The following ARFGAP1 variants were observed in gnomAD, a reference collection of about 807,000 sequenced individuals.
ARFGAP1 encodes ADP-ribosylation factor GTPase-activating protein 1.
In ARFGAP1, 26 loss-of-function variants were observed where a neutral mutation model predicts 54.0. The ratio of observed to expected loss-of-function variants is 0.48; its 90% CI spans 0.35 to 0.67. ARFGAP1 has a LOEUF of 0.67. ARFGAP1 is among the 30% of genes least tolerant of loss of function. The probability of loss-of-function intolerance (pLI) is 0.00; values close to 1 mark genes in which losing one functional copy is unlikely to be tolerated. For missense variants in ARFGAP1, 525 were observed against 535.8 expected (o/e 0.98, Z 0.20); for synonymous variants, 248 against 211.9 (o/e 1.17, Z -1.48).
chr20:63,280,352 A>G (rs2067348081), intron 7 of ARFGAP1, among the ~76,000 whole-genome samples: 1 of 151,978 alleles, frequency 6.6e-6, no homozygotes, highest in South Asian at 2.1e-4. Flanking sequence ...ATCATAGCTC[A>G]CTGTGGCCTG....
rs1405609425 is a variant in ARFGAP1 at position 63,288,041 on chromosome 20, T to TG, written c.*172dup. Reference sequence around the variant, plus strand: ...GACCCGGGTGTGCGCCGCCTGCGCGTGGGGAGTCTTCGGTGCGTGGGGGCG... The same window carrying TG: ...GACCCGGGTGTGCGCCGCCTGCGCGTGGGGGAGTCTTCGGTGCGTGGGGGCG... On this transcript the variant is annotated 3_prime_UTR_variant, in exon 13 of 13. Coordinates refer to ENST00000370283, the MANE Select transcript of ARFGAP1 (RefSeq NM_018209.4). 3 of 821,648 alleles carry TG rather than the reference T, an allele frequency of 3.7e-6. No homozygotes were observed. The highest frequency in any genetic ancestry group is 5.6e-6 in the Non-Finnish European group (3 of 538,912). The allele number at this position is 821,648 out of a possible 1,614,324, so 50.9% of individuals were successfully genotyped here.
chr20:63,274,393 G>T (rs2067183592), intron 1 of ARFGAP1, among the ~76,000 whole-genome samples: 2 of 139,104 alleles, frequency 1.4e-5, no homozygotes, highest in Non-Finnish European at 3.0e-5. Context: ...AGAGGTTTTT[G>T]TTTTTTGTTT....
At chr20:63,281,795 A>G (rs775892800) in intron 8 of ARFGAP1, among the ~76,000 whole-genome samples, 4 of 152,160 alleles carry the variant, frequency 2.6e-5, no homozygotes, top group African/African-American at 4.8e-5. Flanking sequence ...CAGGGCAGAC[A>G]GTGAAGCATG....
intron 11 of ARFGAP1, 115 bp downstream of exon 11, chr20:63,285,828 C>T (rs890239769): frequency 8.0e-6 from 12 of 1,501,434 alleles, no homozygotes; most frequent in African/African-American, 5.5e-5. Flanking sequence ...TGGCAGTGGC[C>T]GCTGTCCTCT....
intron 9 of ARFGAP1, chr20:63,283,087 A>G (rs968383341): frequency 1.7e-6 from 1 of 574,220 alleles, no homozygotes; most frequent in African/African-American, 1.9e-5. Context: ...GTTCACTGGT[A>G]GCTGGTACCG....
chr20:63,285,600 T>C, intron 10 of ARFGAP1, 54 bp from the exon 11 acceptor site: 1 of 1,583,368 alleles, frequency 6.3e-7, no homozygotes, highest in South Asian at 1.1e-5. Context: ...CTCCTGAAGC[T>C]TTAAGCTTTC....
At chr20:63,285,624 C>G (rs1228850878) in intron 10 of ARFGAP1, 30 bp from the exon 11 acceptor site, 2 of 1,609,962 alleles carry the variant, frequency 1.2e-6, no homozygotes, top group Admixed American at 1.7e-5. Flanking sequence ...TCTCCCGCCC[C>G]CATTAATGCC....
At chr20:63,277,453 A>G in intron 5 of ARFGAP1, 148 bp downstream of exon 5, 3 of 682,316 alleles carry the variant, frequency 4.4e-6, no homozygotes, top group South Asian at 5.2e-5. Context: ...TAAAATTGCC[A>G]AAACAATACA....
intron 11 of ARFGAP1, 68 bp from the exon 12 acceptor site, chr20:63,286,298 T>C: frequency 6.2e-7 from 1 of 1,602,016 alleles, no homozygotes; most frequent in Non-Finnish European, 8.5e-7. Flanking sequence ...GGCTTGCGTG[T>C]GGGGGCCTCC....
In ARFGAP1 at chr20:63,287,832, G is replaced by T. The variant is rs1274958197; in HGVS notation, c.1180G>T (p.Ala394Ser). ...GEGTKKAVPP[A>S]VPTDDGWDNQ... ...GGGCACCAAGAAGGCAGTGCCGCCGGCCGTGCCCACTGATGATGGCTGGGA... is the reference window on the plus strand; with the variant it reads ...GGGCACCAAGAAGGCAGTGCCGCCGTCCGTGCCCACTGATGATGGCTGGGA... The change falls in exon 13 of 13, where the codon GCC becomes TCC. Residue 394 changes from alanine to serine, a missense_variant. Transcript: ENST00000370283. 1 of 1,574,506 alleles carries T rather than the reference G, an allele frequency of 6.4e-7. No homozygotes were observed. Among genetic ancestry groups the T allele is most frequent in the South Asian group, 1.2e-5 (1 of 86,540 alleles).
chr20:63,276,046 C>A lies in ARFGAP1; in HGVS notation c.61-45C>A. ...CTGTCGGGTCTTTGGGGTCCCTGGG[C>A]TCTGCCCTGAGCCACCTGGTGAGTC... On this transcript the variant is annotated intron_variant, in intron 2 of 12. Transcript: ENST00000370283. The surrounding 1 kb of genome is among the most constrained non-coding windows in gnomAD (Gnocchi z 5.2). 6.3e-7 allele frequency: 1 copy of A among 1,580,200 alleles called. No individual in the cohort carries two copies. The highest frequency in any genetic ancestry group is 8.7e-7 in the Non-Finnish European group (1 of 1,150,448).
In ARFGAP1 at chr20:63,276,631, G is replaced by C; in HGVS notation, c.322G>C (p.Ala108Pro). 1 of 1,611,814 alleles carries C rather than the reference G, an allele frequency of 6.2e-7. No individual in the cohort carries two copies. The highest frequency in any genetic ancestry group is 8.5e-7 in the Non-Finnish European group (1 of 1,178,934). Residue 108 changes from alanine to proline, a missense_variant, in exon 4 of 13, where the codon GCG becomes CCG. This residue lies in a region of ARFGAP1 where 466 missense variants were observed against 453.6 expected (regional missense o/e 1.03). Coordinates refer to ENST00000370283, the MANE Select transcript of ARFGAP1 (RefSeq NM_018209.4). The surrounding 1 kb of genome is among the most constrained non-coding windows in gnomAD (Gnocchi z 5.2). Reference protein sequence around the residue: ...SLQEKYNSRAAALFRDKVVAL... With the variant: ...SLQEKYNSRAPALFRDKVVAL... Reference sequence around the variant, plus strand: ...GCAGGAGAAGTACAACAGCAGAGCCGCGGCCCTCTTTAGGGATAAGGTAGA... The same window carrying C: ...GCAGGAGAAGTACAACAGCAGAGCCCCGGCCCTCTTTAGGGATAAGGTAGA...
chr20:63,280,935 G>A (rs775802971), intron 7 of ARFGAP1, among the ~76,000 whole-genome samples: 2 of 152,304 alleles, frequency 1.3e-5, no homozygotes, highest in African/African-American at 2.4e-5. Flanking sequence ...GACCCCACAC[G>A]CCTCACCTCT....
At position 63,288,347 on chromosome 20, in the gene ARFGAP1, ATGGAAATGC is replaced by A. The variant is rs779292004; in HGVS notation, c.*483_*491del. On this transcript the variant is annotated 3_prime_UTR_variant, in exon 13 of 13. Transcript: ENST00000370283. The stretch of plus-strand genomic sequence containing the variant: ...GAAGAGAGTGACTGGAGTGGTAAAG[ATGGAAATGC>A]TGGAAATGATACTGGCGCTCACGCT... 2.6e-4 allele frequency: 119 copies of A among 458,242 alleles called. 1 individual carries two copies. The East Asian group carries it at 3.9e-3, about 15-fold the overall frequency. The allele number at this position is 458,242 out of a possible 1,614,324, so 28.4% of individuals were successfully genotyped here. A position where few individuals can be genotyped will look rare whatever the true frequency, so the allele number is the denominator to read the frequency against.
At chr20:63,275,311 C>G (rs551904725) in intron 1 of ARFGAP1, among the ~76,000 whole-genome samples, 1 of 152,188 alleles carries the variant, frequency 6.6e-6, no homozygotes, top group Non-Finnish European at 1.5e-5. Context: ...TAAGCTTAAG[C>G]AAAGCGGCAG....
At chr20:63,284,169 G>C in intron 9 of ARFGAP1, 1 of 1,304,694 alleles carries the variant, frequency 7.7e-7, no homozygotes, top group Non-Finnish European at 9.7e-7. Flanking sequence ...GCCTGCTGCC[G>C]GGGAGGTGCT....
At chr20:63,284,519 A>G (rs2067472396) in intron 9 of ARFGAP1, 3 of 1,176,088 alleles carry the variant, frequency 2.6e-6, no homozygotes, top group Non-Finnish European at 3.2e-6. Flanking sequence ...GCAGGTCAGC[A>G]TGGGGTGGCT....
At chr20:63,285,049 C>A (rs924064229) in intron 10 of ARFGAP1, 127 bp downstream of exon 10, 3 of 1,133,500 alleles carry the variant, frequency 2.6e-6, no homozygotes, top group Non-Finnish European at 3.9e-6. Context: ...TCACACCCCA[C>A]CTCTCCAGCA....
chr20:63,283,666 A>G (rs1601358731), intron 9 of ARFGAP1: 2 of 587,078 alleles, frequency 3.4e-6, no homozygotes, highest in Non-Finnish European at 5.9e-6. Context: ...TCGCTCGCGC[A>G]GTTTCTGAAG....
Sources: gnomAD v4.1 joint callset for allele counts (sites outside exome capture counted in the v4.1 genomes callset) on GRCh38, gnomAD v4.1.1 for gene constraint, gnomAD v4.1.1 regional missense constraint, Gnocchi (gnomAD v3.1) non-coding constraint, MANE v1.5 for transcripts, NCBI Gene and HGNC (gene_info 2026-07-23, HGNC 2026-07-21) for gene names.